Variants in RBM20 observed in about 807,000 individuals in gnomAD.
RBM20 encodes RNA binding motif protein 20.
Under a neutral mutation model 110.1 loss-of-function variants are expected in RBM20, and 51 were observed. The ratio of observed to expected loss-of-function variants is 0.46; its 90% CI spans 0.37 to 0.59. RBM20 has a LOEUF of 0.59. Among genes scored for constraint, RBM20 ranks in the 20% least tolerant of loss-of-function variants. RBM20 has a pLI of 0.00. For synonymous variants in RBM20, 589 were observed against 618.2 expected (o/e 0.95, Z 0.70); for missense variants, 1,512 against 1,574.9 (o/e 0.96, Z 0.68).
At chr10:110,647,199 GGT>G (rs1473361070) in intron 1 of RBM20, among the ~76,000 whole-genome samples, 1 of 152,052 alleles carries the variant, frequency 6.6e-6, no homozygotes, top group Non-Finnish European at 1.5e-5. Flanking sequence ...CGTTATATTT[GGT>G]GTTTAGAGAA....
chr10:110,826,768 T>C (rs1304347343), intron 12 of RBM20, among the ~76,000 whole-genome samples: 1 of 151,990 alleles, frequency 6.6e-6, no homozygotes, highest in African/African-American at 2.4e-5. Context: ...CTTTTTTTAG[T>C]AGAGATAAGG....
chr10:110,797,566 G>A lies in RBM20; in HGVS notation c.1586G>A (p.Ser529Asn). Residue 529 changes from serine to asparagine, a missense_variant, in exon 6 of 14, where the codon AGC becomes AAC. This residue lies in a region of RBM20 where 1,149 missense variants were observed against 1,169.4 expected (regional missense o/e 0.98). Transcript: ENST00000369519. ...CACATCTGCAATCTCCCTGAAGGAA[G>A]CTGCACTGAGAATGACGTCATTAAC... ...VVHICNLPEGSCTENDVINLG... is the reference protein window; with the variant it reads ...VVHICNLPEGNCTENDVINLG... 4 of 1,551,680 alleles carry A rather than the reference G, an allele frequency of 2.6e-6. No individual in the cohort carries two copies. The South Asian group carries it at 4.8e-5, about 18-fold the overall frequency.
intron 7 of RBM20, among the ~76,000 whole-genome samples, chr10:110,807,936 T>C (rs897868753): frequency 1.3e-5 from 2 of 152,244 alleles, no homozygotes; most frequent in African/African-American, 2.4e-5. Context: ...GGGGTGTGGC[T>C]TCCCGGCGAT....
At chr10:110,667,187 T>C (rs542943131) in intron 1 of RBM20, among the ~76,000 whole-genome samples, 1 of 152,226 alleles carries the variant, frequency 6.6e-6, no homozygotes, top group Non-Finnish European at 1.5e-5. Flanking sequence ...AGGTCTCTGA[T>C]GTTCATTTAG....
At chr10:110,727,143 C>CTT (rs57606079) in intron 1 of RBM20, among the ~76,000 whole-genome samples, 1,072 of 80,572 alleles carry the variant, frequency 0.013, 67 homozygotes, top group Non-Finnish European at 0.015. Flanking sequence ...TGCACCCAGC[C>CTT]TTTTTTTTTT....
chr10:110,820,112 A>G lies in RBM20; in HGVS notation c.2591A>G (p.Gln864Arg). ...EEQEGMEESP[Q>R]SVGRQEKEAE... ...CAGGAGGGCATGGAAGAAAGCCCTCAATCAGTGGGCAGACAGGAGAAAGAA... is the reference window on the plus strand; with the variant it reads ...CAGGAGGGCATGGAAGAAAGCCCTCGATCAGTGGGCAGACAGGAGAAAGAA... Residue 864 changes from glutamine to arginine, a missense_variant, in exon 10 of 14, where the codon CAA becomes CGA. By Grantham distance (43) the Gln-to-Arg change is conservative. This residue lies in a region of RBM20 where 1,149 missense variants were observed against 1,169.4 expected (regional missense o/e 0.98). Transcript: ENST00000369519. The G allele has an allele frequency of 2.6e-6, 4 of 1,551,446 alleles. No homozygotes were observed. Among genetic ancestry groups the G allele is most frequent in the Non-Finnish European group, 3.5e-6 (4 of 1,146,766 alleles).
intron 13 of RBM20, among the ~76,000 whole-genome samples, chr10:110,834,872 A>ATAGCCC: frequency 6.6e-6 from 1 of 152,302 alleles, no homozygotes; most frequent in East Asian, 1.9e-4. Context: ...TTGACTCCAG[A>ATAGCCC]TAGCCCAAGA....
At chr10:110,786,494 G>A (rs1232059037) in intron 5 of RBM20, among the ~76,000 whole-genome samples, 1 of 152,204 alleles carries the variant, frequency 6.6e-6, no homozygotes, top group East Asian at 1.9e-4. Flanking sequence ...ATTTGTGTGT[G>A]TTGATCTGTG....
In RBM20 at chr10:110,776,321, C is replaced by CT. The variant is rs558128436; in HGVS notation, c.192-4479dup. On this transcript the variant is annotated intron_variant, in intron 1 of 13. Transcript: ENST00000369519. ...TTGTCTTGGGAATTGTGTTGGTTTT[C>CT]TATTGCTGCTGTAACAAATTGCCAC... Among the ~76,000 whole-genome samples, 18 of 152,324 alleles carry CT rather than the reference C, an allele frequency of 1.2e-4. No homozygotes were observed. In the South Asian group the frequency reaches 3.5e-3, roughly 30 times the overall value.
In RBM20 at chr10:110,821,533, G is replaced by A; in HGVS notation, c.2914G>A (p.Gly972Arg). 6.4e-7 allele frequency: 1 copy of A among 1,551,758 alleles called. No homozygotes were observed. Among genetic ancestry groups the A allele is most frequent in the Non-Finnish European group, 8.7e-7 (1 of 1,146,830 alleles). Residue 972 changes from glycine to arginine, a missense_variant, in exon 11 of 14, where the codon GGG becomes AGG. Gly to Arg is a moderately radical substitution (Grantham distance 125, BLOSUM62 -2). Coordinates refer to ENST00000369519, the MANE Select transcript of RBM20 (RefSeq NM_001134363.3). Reference sequence around the variant, plus strand: ...GGAAGGAGTCAAGGCCGTAGGGAATGGGGCTGCAGAAATCAGCCTCAAGTC... The same window carrying A: ...GGAAGGAGTCAAGGCCGTAGGGAATAGGGCTGCAGAAATCAGCCTCAAGTC... The part of the protein sequence containing the change: ...PKEGVKAVGN[G>R]AAEISLKSPR...
chr10:110,652,679 G>A (rs914249854), intron 1 of RBM20, among the ~76,000 whole-genome samples: 1 of 152,176 alleles, frequency 6.6e-6, no homozygotes, highest in Non-Finnish European at 1.5e-5. Flanking sequence ...GAGAAGTCAA[G>A]TGAATTGTTG....
At position 110,644,695 on chromosome 10, in the gene RBM20, C is replaced by G; in HGVS notation, c.191+50C>G. On this transcript the variant is annotated intron_variant, in intron 1 of 13. Coordinates refer to ENST00000369519, the MANE Select transcript of RBM20 (RefSeq NM_001134363.3). The surrounding 1 kb of genome is among the most constrained non-coding windows in gnomAD (Gnocchi z 4.3). ...ACCACGGGTGCGCCTGGGGACACGC[C>G]CCGAGAGCCCCCTTTGTGGCTTCAT... 1 of 1,317,712 alleles carries G rather than the reference C, an allele frequency of 7.6e-7. No homozygotes were observed. Among genetic ancestry groups the G allele is most frequent in the Non-Finnish European group, 1.0e-6 (1 of 1,000,754 alleles). 81.6% of individuals were successfully genotyped at this position (1,317,712 alleles called of 1,614,324 possible). A position where few individuals can be genotyped will look rare whatever the true frequency, so the allele number is the denominator to read the frequency against.
chr10:110,816,768 G>A (rs1472043492), intron 9 of RBM20, among the ~76,000 whole-genome samples: 3 of 152,196 alleles, frequency 2.0e-5, no homozygotes, highest in East Asian at 1.9e-4. Flanking sequence ...TATGAAGGTT[G>A]GAACCCAGAC....
At chr10:110,649,158 G>C (rs1441226555) in intron 1 of RBM20, among the ~76,000 whole-genome samples, 1 of 151,914 alleles carries the variant, frequency 6.6e-6, no homozygotes, top group Non-Finnish European at 1.5e-5. Context: ...TCACCAGGGG[G>C]CAGAAAAAAA....
chr10:110,773,872 T>C (rs1844225835), intron 1 of RBM20, among the ~76,000 whole-genome samples: 1 of 152,160 alleles, frequency 6.6e-6, no homozygotes. Context: ...ATAAGCGACG[T>C]ACGGAGCACA....
Position 110,803,940 on chromosome 10 carries a change from T to C in RBM20, c.1800+4022T>C, listed in dbSNP as rs1210994796. Among the ~76,000 whole-genome samples, 3 of 151,394 alleles carry C rather than the reference T, an allele frequency of 2.0e-5. No homozygotes were observed. The East Asian group carries it at 5.8e-4, about 30-fold the overall frequency. ...GACCCTCATTAGGACTTGGTTTCTC[T>C]CCACGCTGCCTTCTGCTCTTTTGGC... is the stretch of plus-strand genomic sequence containing the variant. On this transcript the variant is annotated intron_variant, in intron 7 of 13. Coordinates refer to ENST00000369519, the MANE Select transcript of RBM20 (RefSeq NM_001134363.3).
rs751318089 is a variant in RBM20, at chr10:110,810,394, G to A, written c.1812G>A (p.Lys604=). The A allele has an allele frequency of 4.1e-5, 64 of 1,551,420 alleles. No homozygotes were observed. Among genetic ancestry groups the A allele is most frequent in the Non-Finnish European group, 5.4e-5 (62 of 1,146,862 alleles). Residue 604 remains lysine, a synonymous_variant, in exon 8 of 14, where the codon AAG becomes AAA. Transcript: ENST00000369519. ...YKELQLKKPG[K]AVAAIIQDIH... ...TCTGACTTTGCTAGAAACCCGGGAA[G>A]GCCGTGGCTGCCATCATCCAGGACA...
chr10:110,774,651 G>A (rs914499601), intron 1 of RBM20, among the ~76,000 whole-genome samples: 7 of 151,758 alleles, frequency 4.6e-5, no homozygotes, highest in East Asian at 1.9e-4. Context: ...TGGCTTTTGC[G>A]GTTTTTTGTT....
chr10:110,819,067 G>A (rs535115326), intron 9 of RBM20, among the ~76,000 whole-genome samples: 1 of 152,340 alleles, frequency 6.6e-6, no homozygotes, highest in South Asian at 2.1e-4. Context: ...GTGTCTGATT[G>A]TAAGAAATCA....
Sources: allele counts gnomAD v4.1 joint callset (sites outside exome capture counted in the v4.1 genomes callset), GRCh38; gene constraint gnomAD v4.1.1; regional missense constraint gnomAD v4.1.1; non-coding constraint Gnocchi (gnomAD v3.1); transcripts MANE v1.5; gene names NCBI Gene and HGNC (gene_info 2026-07-23, HGNC 2026-07-21).